The following TMPRSS11A variants were observed in gnomAD, a reference collection of about 807,000 sequenced individuals.
TMPRSS11A encodes transmembrane serine protease 11A.
TMPRSS11A carries 53 observed loss-of-function variants against 58.9 expected under a neutral mutation model. The observed-to-expected ratio is 0.90, with a 90% confidence interval of 0.72 to 1.13. The LOEUF is 1.13. Ranked by LOEUF, TMPRSS11A falls within the 50% of genes most tolerant of loss-of-function variation. The pLI is 0.00. For synonymous variants in TMPRSS11A, 167 were observed against 169.8 expected (o/e 0.98, Z 0.13); for missense variants, 493 against 499.3 (o/e 0.99, Z 0.12).
intron 1 of TMPRSS11A, among the ~76,000 whole-genome samples, chr4:67,956,934 G>A (rs942429497): frequency 3.9e-5 from 6 of 152,310 alleles, no homozygotes; most frequent in African/African-American, 1.2e-4. Context: ...AATCATGGAG[G>A]TGGGTCTTTC....
At chr4:67,915,935 A>G (rs1019454448) in intron 8 of TMPRSS11A, among the ~76,000 whole-genome samples, 5 of 152,248 alleles carry the variant, frequency 3.3e-5, no homozygotes, top group Admixed American at 3.3e-4. Context: ...TAAAAAACTA[A>G]TACAAGAATA....
chr4:67,923,065 T>C (rs1720373109), intron 6 of TMPRSS11A, 139 bp from the exon 7 acceptor site: 2 of 711,006 alleles, frequency 2.8e-6, no homozygotes, highest in Admixed American at 2.7e-5. Flanking sequence ...ACTGGATTCA[T>C]GGCCTCTTCT....
chr4:67,936,575 A>G (rs1720760751), intron 3 of TMPRSS11A, among the ~76,000 whole-genome samples: 1 of 152,166 alleles, frequency 6.6e-6, no homozygotes, highest in Non-Finnish European at 1.5e-5. Flanking sequence ...ATCACCCTAA[A>G]CAAAAAGGTA....
intron 8 of TMPRSS11A, among the ~76,000 whole-genome samples, chr4:67,916,314 G>A (rs545319541): frequency 7.7e-4 from 117 of 151,960 alleles, no homozygotes; most frequent in African/African-American, 2.8e-3. Context: ...TAATACACCA[G>A]TTTCTTTAGA....
intron 7 of TMPRSS11A, among the ~76,000 whole-genome samples, chr4:67,920,654 G>A (rs1465414891): frequency 1.3e-5 from 2 of 150,700 alleles, no homozygotes; most frequent in East Asian, 4.0e-4. Context: ...AAAGTTCAGG[G>A]TTACATGTGC....
chr4:67,921,610 A>G (rs959086653), intron 7 of TMPRSS11A, among the ~76,000 whole-genome samples: 2 of 152,198 alleles, frequency 1.3e-5, no homozygotes, highest in Non-Finnish European at 2.9e-5. Context: ...TGCCAAGCCT[A>G]GATTCTTAAT....
At chr4:67,924,502 G>C (rs1720414825) in intron 5 of TMPRSS11A, among the ~76,000 whole-genome samples, 1 of 152,150 alleles carries the variant, frequency 6.6e-6, no homozygotes, top group South Asian at 2.1e-4. Context: ...TTCAGAAGAT[G>C]GATAAATGGG....
chr4:67,955,587 A>G (rs1239824259), intron 1 of TMPRSS11A, among the ~76,000 whole-genome samples: 1 of 152,186 alleles, frequency 6.6e-6, no homozygotes, highest in Non-Finnish European at 1.5e-5. Context: ...CCATTACAAT[A>G]TTTATGATTT....
In TMPRSS11A at chr4:67,954,869, C is replaced by A. The variant is rs141764518; in HGVS notation, c.12-8298G>T. 4.2e-3 allele frequency among the ~76,000 whole-genome samples: 638 copies of A among 152,222 alleles called. 1 individual carries two copies. The highest frequency in any genetic ancestry group is 0.014 in the Middle Eastern group (4 of 294). On this transcript the variant is annotated intron_variant, in intron 1 of 9. Transcript: ENST00000508048. ...TGTAAAATGCAAATAAAATTGATAC[C>A]TATCTCATAGGATTTGTATGAAGAT...
At chr4:67,958,942 G>GT (rs1721356266) in intron 1 of TMPRSS11A, among the ~76,000 whole-genome samples, 2 of 152,170 alleles carry the variant, frequency 1.3e-5, no homozygotes, top group South Asian at 4.1e-4. Context: ...CTCTTCTCTT[G>GT]TCTGCCACTG....
At chr4:67,914,018 C>G (rs539754412) in intron 9 of TMPRSS11A, among the ~76,000 whole-genome samples, 21 of 152,340 alleles carry the variant, frequency 1.4e-4, no homozygotes, top group African/African-American at 5.1e-4. Flanking sequence ...TCATGGTTAT[C>G]TACTTGTTTC....
intron 1 of TMPRSS11A, among the ~76,000 whole-genome samples, chr4:67,961,461 T>C (rs1212476534): frequency 2.0e-5 from 3 of 150,940 alleles, no homozygotes; most frequent in African/African-American, 4.9e-5. Flanking sequence ...TCTTTTCTTT[T>C]CTTTCCTTTC....
At chr4:67,957,924 T>C (rs1382637824) in intron 1 of TMPRSS11A, among the ~76,000 whole-genome samples, 2 of 152,118 alleles carry the variant, frequency 1.3e-5, no homozygotes, top group Admixed American at 6.5e-5. Context: ...CAGCTGTGAC[T>C]AAAAGAGGCC....
At chr4:67,918,300 C>T (rs1250166685) in intron 8 of TMPRSS11A, among the ~76,000 whole-genome samples, 1 of 152,178 alleles carries the variant, frequency 6.6e-6, no homozygotes, top group African/African-American at 2.4e-5. Context: ...GTAACTAAAT[C>T]ATCATTATTT....
intron 8 of TMPRSS11A, among the ~76,000 whole-genome samples, chr4:67,915,906 A>G (rs1354680142): frequency 2.6e-5 from 4 of 152,212 alleles, no homozygotes; most frequent in Non-Finnish European, 4.4e-5. Flanking sequence ...ACTGTTTGTG[A>G]TTATTTGTTA....
chr4:67,949,193 A>G (rs1467232566), intron 1 of TMPRSS11A, among the ~76,000 whole-genome samples: 1 of 152,222 alleles, frequency 6.6e-6, no homozygotes, highest in African/African-American at 2.4e-5. Flanking sequence ...GAGAAAGTAG[A>G]TAAAAGAATC....
chr4:67,921,221 T>C (rs1368854045), intron 7 of TMPRSS11A, among the ~76,000 whole-genome samples: 1 of 152,208 alleles, frequency 6.6e-6, no homozygotes, highest in Non-Finnish European at 1.5e-5. Flanking sequence ...AAGTTTCCCA[T>C]TACTTTGAAA....
chr4:67,915,432 A>G (rs947573217), intron 8 of TMPRSS11A, among the ~76,000 whole-genome samples: 3 of 152,208 alleles, frequency 2.0e-5, no homozygotes, highest in African/African-American at 7.2e-5. Flanking sequence ...ATAGTCCCCA[A>G]GATTCCTGTG....
chr4:67,925,914 A>C lies in TMPRSS11A; in HGVS notation c.482-1748T>G, dbSNP rs146268658. Among the ~76,000 whole-genome samples the C allele has an allele frequency of 7.0e-4, 106 of 152,356 alleles. No homozygotes were observed. In the South Asian group the frequency reaches 7.7e-3, roughly 11 times the overall value. On this transcript the variant is annotated intron_variant, in intron 5 of 9. Transcript: ENST00000508048. ...GATTACACCTGGAAACAAACTGTCA[A>C]TACACAAGTAACTAGTTGTTAAAGA...
Sources: allele counts gnomAD v4.1 joint callset (sites outside exome capture counted in the v4.1 genomes callset), GRCh38; gene constraint gnomAD v4.1.1; transcripts MANE v1.5; gene names NCBI Gene and HGNC (gene_info 2026-07-23, HGNC 2026-07-21).